Variants in SLC22A13 observed in about 807,000 individuals in gnomAD.
The protein encoded by SLC22A13 is organic anion transporter 10.
SLC22A13 carries 42 observed loss-of-function variants against 49.1 expected under a neutral mutation model. The ratio of observed to expected loss-of-function variants is 0.85; its 90% CI spans 0.67 to 1.11. The LOEUF is 1.11. SLC22A13 is among the 50% of genes least tolerant of loss of function. The probability of loss-of-function intolerance (pLI) is 0.00; values close to 1 mark genes in which losing one functional copy is unlikely to be tolerated. For synonymous variants in SLC22A13, 282 were observed against 293.1 expected (o/e 0.96, Z 0.39); for missense variants, 694 against 712.8 (o/e 0.97, Z 0.30).
Position 38,276,059 on chromosome 3 carries a change from T to C in SLC22A13, c.1200T>C (p.Gly400=), listed in dbSNP as rs1376429017. The C allele has an allele frequency of 3.1e-6, 5 of 1,613,922 alleles. No individual in the cohort carries two copies. The highest frequency in any genetic ancestry group is 4.2e-6 in the Non-Finnish European group (5 of 1,180,016). The change falls in exon 7 of 10, where the codon GGT becomes GGC. Residue 400 remains glycine (G), a synonymous_variant. Coordinates refer to ENST00000311856, the MANE Select transcript of SLC22A13 (RefSeq NM_004256.4). ...GCCAGTTGGGGACCTTGGTCTTGGGTGGCCTGATGTGTATCATCATCATCT... is the reference window on the plus strand; with the variant it reads ...GCCAGTTGGGGACCTTGGTCTTGGGCGGCCTGATGTGTATCATCATCATCT... ...KWSQLGTLVL[G]GLMCIIIIFI...
chr3:38,275,556 T>G, intron 5 of SLC22A13, 22 bp from the exon 6 acceptor site: 1 of 1,613,948 alleles, frequency 6.2e-7, no homozygotes, highest in Non-Finnish European at 8.5e-7. Context: ...GCCTGGCTTC[T>G]CACTCTGCTT....
At chr3:38,272,980 C>T (rs547798138) in intron 1 of SLC22A13, among the ~76,000 whole-genome samples, 3 of 152,288 alleles carry the variant, frequency 2.0e-5, no homozygotes, top group African/African-American at 7.2e-5. Flanking sequence ...TTTCCTTTCT[C>T]GGGAAGTTGA....
At position 38,275,690 on chromosome 3, in the gene SLC22A13, G is replaced by A. The variant is rs781387155; in HGVS notation, c.1022+18G>A. On this transcript the variant is annotated intron_variant, in intron 6 of 9. Transcript: ENST00000311856. Reference sequence around the variant, plus strand: ...TGTGTCTGGTGAGTGCCCAGAACCCGAGGACAGAACCACAGGGCTGCAGCC... The same window carrying A: ...TGTGTCTGGTGAGTGCCCAGAACCCAAGGACAGAACCACAGGGCTGCAGCC... 5.6e-6 allele frequency: 9 copies of A among 1,610,818 alleles called. No homozygotes were observed. Among genetic ancestry groups the A allele is most frequent in the South Asian group, 2.2e-5 (2 of 90,786 alleles).
chr3:38,274,502 G>A, intron 2 of SLC22A13, 102 bp from the exon 3 acceptor site: 1 of 1,466,734 alleles, frequency 6.8e-7, no homozygotes, highest in Non-Finnish European at 9.5e-7. Context: ...CTCAAATGGG[G>A]CTCAGACAGA....
chr3:38,276,455 T>A (rs1270798392), intron 8 of SLC22A13, 60 bp downstream of exon 8: 7 of 1,208,924 alleles, frequency 5.8e-6, no homozygotes, highest in Non-Finnish European at 7.2e-6. Context: ...TGGCTGTCCC[T>A]CCTCGGCCCT....
intron 2 of SLC22A13, 65 bp from the exon 3 acceptor site, chr3:38,274,539 T>G: frequency 1.9e-6 from 3 of 1,565,676 alleles, no homozygotes; most frequent in Non-Finnish European, 2.6e-6. Context: ...TGGGCCCCCT[T>G]GCGGCCTTCT....
At chr3:38,275,189 C>A (rs911392343) in intron 4 of SLC22A13, 32 bp downstream of exon 4, 3 of 1,612,378 alleles carry the variant, frequency 1.9e-6, no homozygotes, top group Non-Finnish European at 2.5e-6. Flanking sequence ...AGCAAGCCCC[C>A]CCAGGTTAGT....
At chr3:38,267,071 G>A (rs1703470772) in intron 1 of SLC22A13, among the ~76,000 whole-genome samples, 1 of 152,182 alleles carries the variant, frequency 6.6e-6, no homozygotes, top group Non-Finnish European at 1.5e-5. Flanking sequence ...GAAACCTGAG[G>A]GGCATGGGTG....
At chr3:38,275,218 C>T in intron 4 of SLC22A13, 61 bp downstream of exon 4, 2 of 1,596,872 alleles carry the variant, frequency 1.3e-6, no homozygotes, top group Non-Finnish European at 1.7e-6. Flanking sequence ...GGTGGGGTTG[C>T]AGTGCAGCAC....
intron 1 of SLC22A13, among the ~76,000 whole-genome samples, chr3:38,266,587 G>A (rs1414967262): frequency 1.3e-5 from 2 of 152,016 alleles, no homozygotes; most frequent in Admixed American, 6.6e-5. Flanking sequence ...TCATCTGTCT[G>A]TCCAGTTCTC....
At chr3:38,274,454 T>G in intron 2 of SLC22A13, 79 bp downstream of exon 2, 1 of 1,444,216 alleles carries the variant, frequency 6.9e-7, no homozygotes, top group East Asian at 2.3e-5. Context: ...CTTATGCCCC[T>G]TACACTGGCC....
At position 38,275,923 on chromosome 3, in the gene SLC22A13, T is replaced by C. The variant is rs139446526; in HGVS notation, c.1064T>C (p.Val355Ala). The C allele has an allele frequency of 3.0e-4, 490 of 1,614,154 alleles. 1 individual carries two copies. Among genetic ancestry groups the C allele is most frequent in the Middle Eastern group, 2.6e-3 (16 of 6,060 alleles). ...GGGTACTACGGCCTGAGCCTCCAAG[T>C]GGGGGACTTCGGCCTGGACGTCTAT... ...SLGYYGLSLQVGDFGLDVYLT... is the reference protein window; with the variant it reads ...SLGYYGLSLQAGDFGLDVYLT... Residue 355 changes from valine (V) to alanine (A), a missense_variant, in exon 7 of 10, where the codon GTG (valine) becomes GCG (alanine). By Grantham distance (64) the Val-to-Ala change is moderately conservative. Coordinates refer to ENST00000311856, the MANE Select transcript of SLC22A13 (RefSeq NM_004256.4).
In SLC22A13 at chr3:38,266,056, G is replaced by A. The variant is rs1199960303; in HGVS notation, c.196G>A (p.Glu66Lys). The change falls in exon 1 of 10, where the codon GAA becomes AAA. Residue 66 changes from glutamate to lysine, a missense_variant. Coordinates refer to ENST00000311856, the MANE Select transcript of SLC22A13 (RefSeq NM_004256.4). ...KNHTFNLSAA[E>K]QLVLSVPLDT... ...CCACACTTTCAACCTGAGTGCTGCT[G>A]AACAGCTGGTACTGAGCGTGCCCCT... 1 of 1,614,200 alleles carries A rather than the reference G, an allele frequency of 6.2e-7. No homozygotes were observed. Among genetic ancestry groups the A allele is most frequent in the Non-Finnish European group, 8.5e-7 (1 of 1,180,042 alleles).
intron 1 of SLC22A13, among the ~76,000 whole-genome samples, chr3:38,267,733 G>T (rs1336612918): frequency 6.6e-6 from 1 of 152,206 alleles, no homozygotes; most frequent in African/African-American, 2.4e-5. Context: ...GGGCTGGGCG[G>T]GTTCTAAGGC....
Position 38,275,035 on chromosome 3 carries a change from G to T in SLC22A13, c.684G>T (p.Leu228=). ...CATGGAGGACGCAGGCCGTGGTCCTGGCCCAGTGCAACTTCTCCCTCGGGC... is the reference window on the plus strand; with the variant it reads ...CATGGAGGACGCAGGCCGTGGTCCTTGCCCAGTGCAACTTCTCCCTCGGGC... ...GPSWRTQAVV[L]AQCNFSLGQM... The change falls in exon 4 of 10, where the codon CTG becomes CTT. Residue 228 remains leucine, a synonymous_variant. Transcript: ENST00000311856. 1 of 1,614,248 alleles carries T rather than the reference G, an allele frequency of 6.2e-7. No homozygotes were observed.
intron 6 of SLC22A13, 75 bp from the exon 7 acceptor site, chr3:38,275,807 C>T (rs1703574204): frequency 6.6e-7 from 1 of 1,513,864 alleles, no homozygotes; most frequent in Non-Finnish European, 9.1e-7. Flanking sequence ...GCTGTGACTG[C>T]TGACCAAGGC....
intron 1 of SLC22A13, 104 bp downstream of exon 1, chr3:38,266,342 A>T (rs924819717): frequency 7.4e-7 from 1 of 1,345,830 alleles, no homozygotes; most frequent in Non-Finnish European, 1.0e-6. Flanking sequence ...CCCCATGCCC[A>T]TATGGTCAAC....
chr3:38,276,870 G>A (rs1173923540), intron 8 of SLC22A13, 42 bp from the exon 9 acceptor site: 1 of 1,557,158 alleles, frequency 6.4e-7, no homozygotes, highest in Admixed American at 1.7e-5. Flanking sequence ...GAGGCCCAGA[G>A]TTGGGCCCAG....
intron 1 of SLC22A13, among the ~76,000 whole-genome samples, chr3:38,269,144 T>C (rs1703493445): frequency 6.6e-6 from 1 of 152,116 alleles, no homozygotes; most frequent in Non-Finnish European, 1.5e-5. Context: ...CAATAAACAA[T>C]GATTCAAAAG....
Sources: allele counts gnomAD v4.1 joint callset (sites outside exome capture counted in the v4.1 genomes callset), GRCh38; gene constraint gnomAD v4.1.1; transcripts MANE v1.5; gene names NCBI Gene and HGNC (gene_info 2026-07-23, HGNC 2026-07-21).